Variants in IGF1R observed in about 807,000 individuals in gnomAD.
IGF1R encodes the protein insulin like growth factor 1 receptor, also known as insulin-like growth factor 1 receptor.
Under a neutral mutation model 144.6 loss-of-function variants are expected in IGF1R, and 44 were observed. The observed-to-expected ratio is 0.30, with a 90% CI of 0.24 to 0.39. IGF1R has a LOEUF of 0.39. IGF1R is among the 10% of genes least tolerant of loss of function. The pLI, the probability that IGF1R is intolerant of heterozygous loss-of-function variation, is 1.00. For missense variants in IGF1R, 1,355 were observed against 1,833.7 expected, an observed-to-expected ratio of 0.74 and a Z score of 4.77; for synonymous variants, 795 against 722.8, an observed-to-expected ratio of 1.10 and a Z score of -1.60.
chr15:98,851,333 T>C (rs1221333409), intron 2 of IGF1R, among the ~76,000 whole-genome samples: 3 of 152,230 alleles, frequency 2.0e-5, no homozygotes, highest in Non-Finnish European at 4.4e-5. Context: ...GTTTGCACCC[T>C]GTTGCTTCCT....
chr15:98,850,715 C>G (rs952833204), intron 2 of IGF1R, among the ~76,000 whole-genome samples: 18 of 151,868 alleles, frequency 1.2e-4, no homozygotes, highest in African/African-American at 4.4e-4. Flanking sequence ...CAGGGAATCA[C>G]TGAGTGATGG....
Position 98,957,581 on chromosome 15 carries a change from G to A in IGF1R, c.*139G>A. 9.5e-7 allele frequency: 1 copy of A among 1,051,698 alleles called. No individual in the cohort carries two copies. Among genetic ancestry groups the A allele is most frequent in the African/African-American group, 1.6e-5 (1 of 64,172 alleles). The allele number at this position is 1,051,698 out of a possible 1,614,324, so 65.1% of individuals were successfully genotyped here. A position where few individuals can be genotyped will look rare whatever the true frequency, so the allele number is the denominator to read the frequency against. ...TCAGAACTGCCCTTGCTGCCCGCGG[G>A]AGACAGCTTCTCTGCAGTAAAACAC... On this transcript the variant is annotated 3_prime_UTR_variant, in exon 21 of 21. Coordinates refer to ENST00000650285, the MANE Select transcript of IGF1R (RefSeq NM_000875.5).
chr15:98,901,290 T>A (rs989543715), intron 5 of IGF1R, among the ~76,000 whole-genome samples: 6 of 152,210 alleles, frequency 3.9e-5, no homozygotes, highest in African/African-American at 1.4e-4. Flanking sequence ...TCCCCAGTAG[T>A]CCTGCAGCTC....
intron 2 of IGF1R, among the ~76,000 whole-genome samples, chr15:98,753,380 CTTTTTT>C (rs1173073572): frequency 2.5e-4 from 15 of 60,286 alleles, no homozygotes; most frequent in East Asian, 1.1e-3. Flanking sequence ...CCATACCTGG[CTTTTTT>C]TTTTTTTTTT....
chr15:98,817,838 C>G (rs541330491), intron 2 of IGF1R, among the ~76,000 whole-genome samples: 3 of 152,324 alleles, frequency 2.0e-5, no homozygotes, highest in African/African-American at 7.2e-5. Flanking sequence ...GTGATTTGCC[C>G]TTTCTGACCA....
At chr15:98,667,957 G>A (rs2052787246) in intron 1 of IGF1R, among the ~76,000 whole-genome samples, 1 of 152,124 alleles carries the variant, frequency 6.6e-6, no homozygotes, top group Admixed American at 6.5e-5. Flanking sequence ...GGGGCTGTAT[G>A]GATGTCTTAG....
At position 98,787,846 on chromosome 15, in the gene IGF1R, GTA is replaced by G. The variant is rs547809721; in HGVS notation, c.640+79743_640+79744del. 9.2e-4 allele frequency among the ~76,000 whole-genome samples: 140 copies of G among 152,258 alleles called. 2 individuals are homozygous for G. In the South Asian group the frequency reaches 0.012, roughly 14 times the overall value. On this transcript the variant is annotated intron_variant, in intron 2 of 20. Coordinates refer to ENST00000650285, the MANE Select transcript of IGF1R (RefSeq NM_000875.5). ...CATGTGTCTGCTTTTTGAATCAGTC[GTA>G]TATGTTTTTGTTCCTGTGCCTGGAG...
At chr15:98,849,380 G>A (rs2011459681) in intron 2 of IGF1R, among the ~76,000 whole-genome samples, 1 of 152,108 alleles carries the variant, frequency 6.6e-6, no homozygotes, top group Non-Finnish European at 1.5e-5. Context: ...AAGTAAATTA[G>A]GTTCATACAT....
chr15:98,852,337 C>A (rs914655809), intron 2 of IGF1R, among the ~76,000 whole-genome samples: 1 of 152,006 alleles, frequency 6.6e-6, no homozygotes, highest in East Asian at 1.9e-4. Context: ...GAAGAGGGAG[C>A]GGGCACCCCG....
chr15:98,819,577 A>G (rs1168901722), intron 2 of IGF1R, among the ~76,000 whole-genome samples: 1 of 152,186 alleles, frequency 6.6e-6, no homozygotes, highest in Non-Finnish European at 1.5e-5. Flanking sequence ...ACTGTAAGGA[A>G]TAAGTTTCTG....
intron 2 of IGF1R, among the ~76,000 whole-genome samples, chr15:98,791,615 C>T (rs1054332733): frequency 1.3e-5 from 2 of 152,064 alleles, no homozygotes; most frequent in African/African-American, 4.8e-5. Context: ...CTAAGGAGGC[C>T]ATTAGGAAAG....
intron 2 of IGF1R, among the ~76,000 whole-genome samples, chr15:98,839,223 T>C (rs149007965): frequency 2.6e-5 from 4 of 152,206 alleles, no homozygotes; most frequent in Non-Finnish European, 5.9e-5. Context: ...ATCCCCACTT[T>C]AGAGACAAAA....
chr15:98,808,507 C>T (rs1315966854), intron 2 of IGF1R, among the ~76,000 whole-genome samples: 1 of 152,060 alleles, frequency 6.6e-6, no homozygotes, highest in Non-Finnish European at 1.5e-5. Context: ...GGCTTAAAAG[C>T]AAGTAAGTTT....
intron 2 of IGF1R, among the ~76,000 whole-genome samples, chr15:98,826,897 GCTCT>G (rs1266281632): frequency 6.6e-6 from 1 of 152,172 alleles, no homozygotes; most frequent in Non-Finnish European, 1.5e-5. Context: ...GGAGCAGTTT[GCTCT>G]CTGTGACGTG....
intron 19 of IGF1R, among the ~76,000 whole-genome samples, chr15:98,943,622 C>T (rs2016445996): frequency 1.3e-5 from 2 of 152,208 alleles, no homozygotes; most frequent in Non-Finnish European, 2.9e-5. Flanking sequence ...AGCCCATCGA[C>T]CGAGGGATCA....
intron 2 of IGF1R, among the ~76,000 whole-genome samples, chr15:98,800,095 T>G (rs2056330293): frequency 6.6e-6 from 1 of 152,122 alleles, no homozygotes; most frequent in African/African-American, 2.4e-5. Context: ...GCCTCTCGTT[T>G]CTCATGGTGA....
intron 2 of IGF1R, among the ~76,000 whole-genome samples, chr15:98,863,798 A>C (rs1408082479): frequency 6.6e-6 from 1 of 152,198 alleles, no homozygotes; most frequent in African/African-American, 2.4e-5. Flanking sequence ...TTTGATACTC[A>C]AGAGAATGCT....
chr15:98,896,549 C>T (rs2014207032), intron 3 of IGF1R, among the ~76,000 whole-genome samples: 1 of 152,202 alleles, frequency 6.6e-6, no homozygotes, highest in African/African-American at 2.4e-5. Flanking sequence ...CCTTTGTAGG[C>T]TGTTTCTCCT....
chr15:98,929,837 A>G (rs182000100), intron 14 of IGF1R, among the ~76,000 whole-genome samples, 177 bp downstream of exon 14: 52 of 152,348 alleles, frequency 3.4e-4, no homozygotes, highest in African/African-American at 1.2e-3. Context: ...TTTTAACAAC[A>G]GCCAAAATAA....
Sources: gnomAD v4.1 joint callset for allele counts (sites outside exome capture counted in the v4.1 genomes callset) on GRCh38, gnomAD v4.1.1 for gene constraint, MANE v1.5 for transcripts, NCBI Gene and HGNC (gene_info 2026-07-23, HGNC 2026-07-21) for gene names.